Variants in SLCO1B3 observed in about 807,000 individuals in gnomAD.
The protein encoded by SLCO1B3 is solute carrier organic anion transporter family member 1B3.
Under a neutral mutation model 71.8 loss-of-function variants are expected in SLCO1B3, and 72 were observed. That is an observed-to-expected ratio of 1.00 (90% CI 0.83 to 1.22). The LOEUF (loss-of-function observed/expected upper bound fraction) is 1.22, where lower values mean the gene tolerates loss of function less well. Ranked by LOEUF, SLCO1B3 falls within the 50% of genes most tolerant of loss-of-function variation. The pLI, the probability that SLCO1B3 is intolerant of heterozygous loss-of-function variation, is 0.00. For synonymous variants in SLCO1B3, 298 were observed against 278.4 expected (o/e 1.07, Z -0.70); for missense variants, 911 against 819.7 (o/e 1.11, Z -1.36).
chr12:20,849,591 T>G (rs924739087), intron 3 of SLCO1B3, among the ~76,000 whole-genome samples: 4 of 151,938 alleles, frequency 2.6e-5, no homozygotes, highest in African/African-American at 7.2e-5. Flanking sequence ...GCATTCAAAT[T>G]AGAAAGAAGG....
intron 8 of SLCO1B3, among the ~76,000 whole-genome samples, chr12:20,866,785 T>C (rs1304134051): frequency 6.6e-6 from 1 of 152,050 alleles, no homozygotes; most frequent in African/African-American, 2.4e-5. Context: ...TGAGTACCAG[T>C]ATTTAAGGCA....
chr12:20,822,501 A>T (rs1864333669), intron 3 of SLCO1B3, among the ~76,000 whole-genome samples: 1 of 152,132 alleles, frequency 6.6e-6, no homozygotes, highest in African/African-American at 2.4e-5. Context: ...TCATCAGTTA[A>T]GGCGGGGCAG....
chr12:20,847,599 A>G (rs7136918), intron 3 of SLCO1B3, among the ~76,000 whole-genome samples: 109,816 of 151,722 alleles, frequency 0.72, 42,334 homozygotes, highest in South Asian at 0.9. Context: ...TAGCAGCCTG[A>G]ACTAAAACCA....
At chr12:20,861,270 CA>C in intron 6 of SLCO1B3, 132 bp downstream of exon 6, 1 of 746,182 alleles carries the variant, frequency 1.3e-6, no homozygotes, top group South Asian at 2.2e-5. Context: ...TACATACAGA[CA>C]AAATCATACT....
intron 3 of SLCO1B3, among the ~76,000 whole-genome samples, chr12:20,820,307 G>A (rs1047600003): frequency 6.6e-6 from 1 of 152,202 alleles, no homozygotes; most frequent in African/African-American, 2.4e-5. Context: ...GTCAGTCAGA[G>A]AGCCTTGGGC....
chr12:20,912,495 ATTT>A (rs34721125), intron 15 of SLCO1B3, among the ~76,000 whole-genome samples: 1 of 118,920 alleles, frequency 8.4e-6, no homozygotes. Context: ...CACCTGGCTA[ATTT>A]TTTTTTTTTT....
chr12:20,876,125 G>A (rs1865573652), intron 9 of SLCO1B3, among the ~76,000 whole-genome samples: 1 of 151,314 alleles, frequency 6.6e-6, no homozygotes, highest in South Asian at 2.1e-4. Context: ...TCTTACCTAA[G>A]TATTCAAAAA....
chr12:20,890,180 A>G (rs1865877242), intron 13 of SLCO1B3, among the ~76,000 whole-genome samples: 1 of 152,008 alleles, frequency 6.6e-6, no homozygotes, highest in Non-Finnish European at 1.5e-5. Flanking sequence ...CAGCCTCCCA[A>G]AGTGCTAGGA....
chr12:20,903,350 G>C (rs1866168108), intron 15 of SLCO1B3, among the ~76,000 whole-genome samples: 1 of 152,160 alleles, frequency 6.6e-6, no homozygotes, highest in South Asian at 2.1e-4. Context: ...AAATGGATAA[G>C]TAAACTATGT....
intron 13 of SLCO1B3, among the ~76,000 whole-genome samples, chr12:20,893,396 A>C (rs1865941835): frequency 6.6e-6 from 1 of 152,226 alleles, no homozygotes; most frequent in Non-Finnish European, 1.5e-5. Context: ...GTGATGTGCC[A>C]TTCTATAGCT....
intron 3 of SLCO1B3, among the ~76,000 whole-genome samples, chr12:20,819,360 G>A (rs150728675): frequency 1.3e-5 from 2 of 152,268 alleles, no homozygotes; most frequent in African/African-American, 4.8e-5. Context: ...CTGAAGTAAT[G>A]GGGTCTGTCT....
At chr12:20,912,510 T>G (rs1402379297) in intron 15 of SLCO1B3, among the ~76,000 whole-genome samples, 3 of 149,520 alleles carry the variant, frequency 2.0e-5, no homozygotes, top group Non-Finnish European at 1.5e-5. Context: ...TTTTTTTTTT[T>G]TTGTATTTTT....
At chr12:20,834,033 GTATT>G (rs998990436) in intron 3 of SLCO1B3, among the ~76,000 whole-genome samples, 18 of 142,996 alleles carry the variant, frequency 1.3e-4, no homozygotes, top group African/African-American at 2.5e-4. Flanking sequence ...ATTTATATAT[GTATT>G]TATATATTAT....
intron 3 of SLCO1B3, among the ~76,000 whole-genome samples, chr12:20,828,665 A>T (rs968385951): frequency 6.6e-6 from 1 of 151,690 alleles, no homozygotes; most frequent in Admixed American, 6.6e-5. Context: ...ACACACACAC[A>T]CTCACACACA....
At chr12:20,868,821 C>G (rs1397397994) in intron 8 of SLCO1B3, among the ~76,000 whole-genome samples, 3 of 152,076 alleles carry the variant, frequency 2.0e-5, no homozygotes, top group Non-Finnish European at 4.4e-5. Context: ...TAGGTAAGGT[C>G]ACGTGGATCA....
chr12:20,821,135 G>A (rs993969532), intron 3 of SLCO1B3, among the ~76,000 whole-genome samples: 6 of 152,084 alleles, frequency 3.9e-5, no homozygotes, highest in South Asian at 2.1e-4. Context: ...GGGGACAGGC[G>A]GGAGGGAAAG....
intron 13 of SLCO1B3, among the ~76,000 whole-genome samples, chr12:20,895,373 A>G (rs1450724831): frequency 1.3e-5 from 2 of 152,206 alleles, no homozygotes; most frequent in African/African-American, 4.8e-5. Context: ...GTTACTTCCT[A>G]GATACAATGG....
At chr12:20,880,716 T>G in intron 11 of SLCO1B3, 139 bp from the exon 12 acceptor site, 3 of 523,322 alleles carry the variant, frequency 5.7e-6, no homozygotes, top group Non-Finnish European at 9.3e-6. Flanking sequence ...GGAAAACCCT[T>G]TCTCTTATTT....
chr12:20,848,999 G>C lies in SLCO1B3; in HGVS notation c.85-6029G>C, dbSNP rs1174893976. 2.0e-5 allele frequency among the ~76,000 whole-genome samples: 3 copies of C among 152,144 alleles called. No individual in the cohort carries two copies. The East Asian group carries it at 5.8e-4, about 29-fold the overall frequency. On this transcript the variant is annotated intron_variant, in intron 3 of 15. Transcript: ENST00000381545. Reference sequence around the variant, plus strand: ...ATAATGCATCCAAATTGGTTCATCAGTGTAAACAAATGTACCACACCAATA... The same window carrying C: ...ATAATGCATCCAAATTGGTTCATCACTGTAAACAAATGTACCACACCAATA...
Sources: allele counts gnomAD v4.1 joint callset (sites outside exome capture counted in the v4.1 genomes callset), GRCh38; gene constraint gnomAD v4.1.1; transcripts MANE v1.5; gene names NCBI Gene and HGNC (gene_info 2026-07-23, HGNC 2026-07-21).